Variants in CDKN1A observed in about 807,000 individuals in gnomAD.
CDKN1A encodes the protein cyclin-dependent kinase inhibitor 1.
Under a neutral mutation model 14.8 loss-of-function variants are expected in CDKN1A, and 14 were observed. The observed-to-expected ratio is 0.94, with a 90% confidence interval of 0.62 to 1.48. The LOEUF (loss-of-function observed/expected upper bound fraction) is 1.48. Ranked by LOEUF, CDKN1A falls within the 40% of genes most tolerant of loss-of-function variation. CDKN1A has a pLI of 0.00. For synonymous variants in CDKN1A, 92 were observed against 93.5 expected (o/e 0.98, Z 0.09); for missense variants, 203 against 231.7 (o/e 0.88, Z 0.80).
intron 1 of CDKN1A, among the ~76,000 whole-genome samples, chr6:36,681,399 T>TTCTTTCTTTCTTTCTC: frequency 9.3e-6 from 1 of 107,276 alleles, no homozygotes; most frequent in Admixed American, 1.0e-4. Context: ...CTTTCTTTCT[T>TTCTTTCTTTCTTTCTC]TCTTTCTTCC....
chr6:36,677,872 G>A (rs145484289), upstream of CDKN1A: 911 of 1,366,070 alleles, frequency 6.7e-4, 7 homozygotes, highest in African/African-American at 0.011. Context: ...CAACTCACTC[G>A]TCAAATCCTC....
rs945468953 is a variant in CDKN1A, at chr6:36,684,661, C to T, written c.445+115C>T. The T allele has an allele frequency of 1.9e-6, 2 of 1,065,760 alleles. No homozygotes were observed. Among genetic ancestry groups the T allele is most frequent in the Non-Finnish European group, 2.8e-6 (2 of 711,566 alleles). The allele number at this position is 1,065,760 out of a possible 1,614,324, so 66.0% of individuals were successfully genotyped here. On this transcript the variant is annotated intron_variant, in intron 2 of 2. Transcript: ENST00000244741. The surrounding 1 kb of genome is among the most constrained non-coding windows in gnomAD (Gnocchi z 6.0). ...CATGCTCCAGGTAGAAGGAAACAGG[C>T]CCAGAGAGGGGAAGCAACCTCCCTG...
chr6:36,681,334 T>TTCTTTTC (rs780161958), intron 1 of CDKN1A, among the ~76,000 whole-genome samples: 3 of 86,058 alleles, frequency 3.5e-5, no homozygotes, highest in African/African-American at 1.3e-4. Context: ...CTTTCTTTCT[T>TTCTTTTC]TTTCTTTCTT....
upstream of CDKN1A, among the ~76,000 whole-genome samples, chr6:36,676,995 AACAG>A (rs1398190027): frequency 1.1e-4 from 16 of 152,342 alleles, no homozygotes; most frequent in South Asian, 2.3e-3. Context: ...CCCCAAAGTA[AACAG>A]ACAGACAATG....
rs750785155 is a variant in CDKN1A, at chr6:36,684,447, T to G, written c.346T>G (p.Ser116Ala). The change falls in exon 2 of 3, where the codon TCT becomes GCT. Residue 116 changes from serine to alanine, a missense_variant. By Grantham distance (99) the Ser-to-Ala change is moderately conservative. Transcript: ENST00000244741. The surrounding 1 kb of genome is among the most constrained non-coding windows in gnomAD (Gnocchi z 6.0). ...AEEDHVDLSL[S>A]CTLVPRSGEQ... is the part of the protein sequence containing the mutation. ...GGAAGACCATGTGGACCTGTCACTG[T>G]CTTGTACCCTTGTGCCTCGCTCAGG... The G allele has an allele frequency of 4.3e-6, 7 of 1,613,994 alleles. No homozygotes were observed. In the East Asian group the frequency reaches 1.3e-4, roughly 31 times the overall value.
chr6:36,684,622 T>TG lies in CDKN1A; in HGVS notation c.445+78dup, dbSNP rs1269466192. 7.7e-5 allele frequency: 108 copies of TG among 1,403,900 alleles called. 1 individual carries two copies. In the South Asian group the frequency reaches 1.1e-3, roughly 14 times the overall value. The allele number at this position is 1,403,900 out of a possible 1,614,324, so 87.0% of individuals were successfully genotyped here. ...TCCATGGTCCAAGGGCTGACCTGTC[T>TG]GGTCCTGGTCCAGCATGCTCCAGGT... is the stretch of plus-strand genomic sequence containing the variant. On this transcript the variant is annotated intron_variant, in intron 2 of 2. Transcript: ENST00000244741. The surrounding 1 kb of genome is among the most constrained non-coding windows in gnomAD (Gnocchi z 6.0).
rs184604537 is a variant in CDKN1A at position 36,681,879 on chromosome 6, A to C, written c.-5-2218A>C. On this transcript the variant is annotated intron_variant, in intron 1 of 2. Transcript: ENST00000244741. The stretch of plus-strand genomic sequence containing the variant: ...AAAGTGCTGGGATTACAGGTGTGAG[A>C]CACTGCACCCAACCACCCAGCTAAT... Among the ~76,000 whole-genome samples, 1,076 of 152,072 alleles carry C rather than the reference A, an allele frequency of 7.1e-3. 12 individuals carry two copies. Among genetic ancestry groups the C allele is most frequent in the African/African-American group, 0.025 (1,025 of 41,450 alleles).
chr6:36,684,911 A>G lies in CDKN1A; in HGVS notation c.445+365A>G, dbSNP rs1446471978. 3.9e-5 allele frequency among the ~76,000 whole-genome samples: 6 copies of G among 152,210 alleles called. No homozygotes were observed. In the East Asian group the frequency reaches 1.2e-3, roughly 29 times the overall value. On this transcript the variant is annotated intron_variant, in intron 2 of 2. Coordinates refer to ENST00000244741, the MANE Select transcript of CDKN1A (RefSeq NM_000389.5). This position sits in a 1 kb window ranked among gnomAD's most constrained non-coding sequence, Gnocchi z 6.0. ...CAGTGATACGATCATGGCTCACTGC[A>G]GCTTCAAACTCCTGGGCTCAAGCGA... is the stretch of plus-strand genomic sequence containing the variant.
upstream of CDKN1A, chr6:36,677,946 T>C: frequency 1.6e-6 from 2 of 1,261,828 alleles, no homozygotes; most frequent in East Asian, 3.7e-5. Flanking sequence ...GAGTGTAGGG[T>C]GTAGGGAGAT....
At chr6:36,677,385 T>A (rs1761729520), upstream of CDKN1A, among the ~76,000 whole-genome samples, 1 of 152,148 alleles carries the variant, frequency 6.6e-6, no homozygotes, top group Non-Finnish European at 1.5e-5. Context: ...CAGCCTGAGA[T>A]GTCAGTAATT....
At chr6:36,681,264 T>TTTTCTTTCCTTCTTTCTTTCTTTCTTTC (rs1562037839) in intron 1 of CDKN1A, among the ~76,000 whole-genome samples, 10 of 81,880 alleles carry the variant, frequency 1.2e-4, no homozygotes, top group Non-Finnish European at 2.3e-4. Context: ...CCCTAGGTGC[T>TTTTCTTTCCTTCTTTCTTTCTTTCTTTC]TTTCTTTCTT....
Position 36,684,348 on chromosome 6 carries a change from CGGCGAGG to C in CDKN1A, c.248_254del (p.Arg83ProfsTer63). The stretch of plus-strand genomic sequence containing the variant: ...CAAGCTCTACCTTCCCACGGGGCCC[CGGCGAGG>C]CCGGGATGAGTTGGGAGGAGGCAGG... On this transcript the variant is annotated frameshift_variant, in exon 2 of 3. Coordinates refer to ENST00000244741, the MANE Select transcript of CDKN1A (RefSeq NM_000389.5). LOFTEE classifies it high-confidence loss of function. This position sits in a 1 kb window ranked among gnomAD's most constrained non-coding sequence, Gnocchi z 6.0. The C allele has an allele frequency of 6.2e-7, 1 of 1,613,358 alleles. No homozygotes were observed. Among genetic ancestry groups the C allele is most frequent in the Non-Finnish European group, 8.5e-7 (1 of 1,179,898 alleles).
chr6:36,681,273 T>TTTCC (rs1761939879), intron 1 of CDKN1A, among the ~76,000 whole-genome samples: 1 of 94,064 alleles, frequency 1.1e-5, no homozygotes, highest in African/African-American at 3.9e-5. Flanking sequence ...CTTTTCTTTC[T>TTTCC]TTCTTTTTTT....
intron 2 of CDKN1A, among the ~76,000 whole-genome samples, chr6:36,685,071 C>T (rs535216757): frequency 1.3e-5 from 2 of 152,162 alleles, no homozygotes; most frequent in African/African-American, 4.8e-5. Context: ...AACTCCTGAG[C>T]TCAAGCAGTC....
At chr6:36,677,093 C>T (rs1288914555), upstream of CDKN1A, among the ~76,000 whole-genome samples, 1 of 152,164 alleles carries the variant, frequency 6.6e-6, no homozygotes, top group Non-Finnish European at 1.5e-5. Flanking sequence ...CATTTGACAA[C>T]CAGCCCTTTG....
rs1762226862 is a variant in CDKN1A, at chr6:36,686,889, C to T, written c.*1089C>T. On this transcript the variant is annotated 3_prime_UTR_variant, in exon 3 of 3. Coordinates refer to ENST00000244741, the MANE Select transcript of CDKN1A (RefSeq NM_000389.5). The surrounding 1 kb of genome is among the most constrained non-coding windows in gnomAD (Gnocchi z 4.9). ...AGTAGATCTTTCTAGGAGGGAGACA[C>T]TGGCCCCTCAAATCGTCCAGCGACC... The T allele has an allele frequency of 8.6e-6, 2 of 233,586 alleles. No individual in the cohort carries two copies. The highest frequency in any genetic ancestry group is 1.1e-4 in the Admixed American group (2 of 17,778). The allele number at this position is 233,586 out of a possible 1,614,324, so 14.5% of individuals were successfully genotyped here. A position where few individuals can be genotyped will look rare whatever the true frequency, so the allele number is the denominator to read the frequency against.
intron 1 of CDKN1A, among the ~76,000 whole-genome samples, chr6:36,681,801 A>G (rs1188557582): frequency 1.5e-4 from 22 of 151,696 alleles, no homozygotes; most frequent in Admixed American, 1.3e-3. Context: ...TCACCGTGTT[A>G]GCCAGGATGG....
intron 1 of CDKN1A, among the ~76,000 whole-genome samples, chr6:36,683,835 C>T (rs1007347500): frequency 6.6e-6 from 1 of 152,242 alleles, no homozygotes; most frequent in Non-Finnish European, 1.5e-5. Flanking sequence ...GGTCCTTGCT[C>T]TTGCAATAGA....
rs1259966503 is a variant in CDKN1A at position 36,684,311 on chromosome 6, C to T, written c.210C>T (p.Gly70=). Residue 70 remains glycine, a synonymous_variant, in exon 2 of 3, where the codon GGC becomes GGT. Transcript: ENST00000244741. This position sits in a 1 kb window ranked among gnomAD's most constrained non-coding sequence, Gnocchi z 6.0. The part of the protein sequence containing the change: ...EGDFAWERVR[G]LGLPKLYLPT... ...ACTTCGCCTGGGAGCGTGTGCGGGGCCTTGGCCTGCCCAAGCTCTACCTTC... is the reference window on the plus strand; with the variant it reads ...ACTTCGCCTGGGAGCGTGTGCGGGGTCTTGGCCTGCCCAAGCTCTACCTTC... The T allele has an allele frequency of 1.9e-6, 3 of 1,613,156 alleles. No individual in the cohort carries two copies. Among genetic ancestry groups the T allele is most frequent in the African/African-American group, 2.7e-5 (2 of 74,856 alleles).
Sources: gnomAD v4.1 joint callset for allele counts (sites outside exome capture counted in the v4.1 genomes callset) on GRCh38, gnomAD v4.1.1 for gene constraint, Gnocchi (gnomAD v3.1) non-coding constraint, MANE v1.5 for transcripts, NCBI Gene and HGNC (gene_info 2026-07-23, HGNC 2026-07-21) for gene names.